Variants in MTUS2 observed in about 807,000 individuals in gnomAD.
MTUS2 encodes microtubule-associated tumor suppressor candidate 2.
Under a neutral mutation model 114.1 loss-of-function variants are expected in MTUS2, and 40 were observed. The ratio of observed to expected loss-of-function variants is 0.35; its 90% CI spans 0.27 to 0.46. MTUS2 has a LOEUF of 0.46. MTUS2 is among the 20% of genes least tolerant of loss of function. The pLI is 1.00. For synonymous variants in MTUS2, 688 were observed against 672.0 expected (o/e 1.02, Z -0.37); for missense variants, 1,679 against 1,705.4 (o/e 0.98, Z 0.27).
At chr13:29,302,627 C>A (rs144922352) in intron 6 of MTUS2, among the ~76,000 whole-genome samples, 164 of 152,328 alleles carry the variant, frequency 1.1e-3, no homozygotes, top group African/African-American at 3.8e-3. Context: ...TCCCAGTCAG[C>A]CCAGCACTGG....
At chr13:29,142,515 C>T (rs981411717) in intron 5 of MTUS2, among the ~76,000 whole-genome samples, 2 of 152,056 alleles carry the variant, frequency 1.3e-5, no homozygotes, top group Admixed American at 1.3e-4. Context: ...ACCAACCTGG[C>T]CAACATGGTG....
rs981534107 is a variant in MTUS2, at chr13:29,449,461, C to G, written c.3184+9412C>G. On this transcript the variant is annotated intron_variant, in intron 9 of 15. Transcript: ENST00000612955. ...TATAGTTACACAGTGCTTAGTACCT[C>G]CAAGCTCTTCCATATGACATGTTTT... Among the ~76,000 whole-genome samples, 3 of 152,118 alleles carry G rather than the reference C, an allele frequency of 2.0e-5. No individual in the cohort carries two copies. In the East Asian group the frequency reaches 5.8e-4, roughly 29 times the overall value.
intron 5 of MTUS2, among the ~76,000 whole-genome samples, chr13:29,107,625 A>G (rs896096559): frequency 6.6e-6 from 1 of 152,220 alleles, no homozygotes; most frequent in Non-Finnish European, 1.5e-5. Flanking sequence ...ATATTCAGAG[A>G]TAAACATCAT....
intron 4 of MTUS2, among the ~76,000 whole-genome samples, chr13:29,048,127 T>C (rs1339843611): frequency 6.6e-6 from 1 of 152,234 alleles, no homozygotes; most frequent in Admixed American, 6.5e-5. Context: ...GTGTCACTAA[T>C]CTTTTCTTAT....
At chr13:29,254,070 T>C (rs1299219397) in intron 5 of MTUS2, among the ~76,000 whole-genome samples, 1 of 152,026 alleles carries the variant, frequency 6.6e-6, no homozygotes, top group East Asian at 1.9e-4. Flanking sequence ...GAAGATGACA[T>C]AGTGTGTTAG....
In MTUS2 at chr13:29,042,000, A is replaced by G. The variant is rs547043888; in HGVS notation, c.2446+7875A>G. 3.9e-5 allele frequency among the ~76,000 whole-genome samples: 6 copies of G among 152,214 alleles called. No homozygotes were observed. The South Asian group carries it at 8.3e-4, about 21-fold the overall frequency. Reference sequence around the variant, plus strand: ...TGCTCTGGTTTGGACTTCCAGTACTATGTTGAAGAGAAGTGGTGAAAGTGG... The same window carrying G: ...TGCTCTGGTTTGGACTTCCAGTACTGTGTTGAAGAGAAGTGGTGAAAGTGG... On this transcript the variant is annotated intron_variant, in intron 4 of 15. Coordinates refer to ENST00000612955, the MANE Select transcript of MTUS2 (RefSeq NM_001033602.4).
At chr13:29,132,376 C>T (rs1350311080) in intron 5 of MTUS2, among the ~76,000 whole-genome samples, 1 of 152,152 alleles carries the variant, frequency 6.6e-6, no homozygotes, top group Admixed American at 6.5e-5. Context: ...GTAGAATACA[C>T]ACGACAAAAT....
chr13:29,236,696 G>A (rs9551634), intron 5 of MTUS2, among the ~76,000 whole-genome samples: 3,753 of 152,292 alleles, frequency 0.025, 101 homozygotes, highest in East Asian at 0.068. Context: ...TGTCCAGCTC[G>A]TCTAGGCCAT....
chr13:29,398,475 AAAAAAGAAAG>A (rs1874075060), intron 8 of MTUS2, among the ~76,000 whole-genome samples: 1 of 134,006 alleles, frequency 7.5e-6, no homozygotes, highest in Non-Finnish European at 1.6e-5. Flanking sequence ...ATTAAAAAAA[AAAAAAGAAAG>A]AAAAAGAAAA....
At chr13:29,442,482 C>G (rs1328212378) in intron 9 of MTUS2, among the ~76,000 whole-genome samples, 1 of 152,208 alleles carries the variant, frequency 6.6e-6, no homozygotes, top group Non-Finnish European at 1.5e-5. Context: ...TAAGGCTATC[C>G]TTGCATCTTG....
At chr13:29,380,527 A>T (rs1447850619) in intron 8 of MTUS2, among the ~76,000 whole-genome samples, 1 of 152,218 alleles carries the variant, frequency 6.6e-6, no homozygotes, top group Admixed American at 6.5e-5. Context: ...TTGTCTCACT[A>T]ACTTCCATTC....
chr13:29,490,985 ATGTG>A (rs71090259), intron 11 of MTUS2, among the ~76,000 whole-genome samples: 38,232 of 148,290 alleles, frequency 0.26, 5,383 homozygotes, highest in East Asian at 0.6. Flanking sequence ...AGAAGTGTGG[ATGTG>A]TGTGTGTGTG....
intron 4 of MTUS2, among the ~76,000 whole-genome samples, chr13:29,060,565 T>A (rs921122399): frequency 2.7e-5 from 4 of 147,414 alleles, no homozygotes; most frequent in African/African-American, 5.0e-5. Context: ...TTTTTTTTTT[T>A]ACTATTTACT....
chr13:29,377,403 A>G (rs1593370636), intron 8 of MTUS2, among the ~76,000 whole-genome samples: 1 of 152,216 alleles, frequency 6.6e-6, no homozygotes, highest in East Asian at 1.9e-4. Flanking sequence ...GTTCTCTGAC[A>G]TACTTTGTTG....
intron 2 of MTUS2, among the ~76,000 whole-genome samples, chr13:28,896,372 C>G (rs2137936877): frequency 1.3e-5 from 2 of 152,288 alleles, no homozygotes; most frequent in South Asian, 4.2e-4. Context: ...TCAAGGAGAA[C>G]TACAAACCAC....
At chr13:29,087,264 G>A (rs1043140939) in intron 4 of MTUS2, among the ~76,000 whole-genome samples, 3 of 152,156 alleles carry the variant, frequency 2.0e-5, no homozygotes, top group African/African-American at 7.2e-5. Flanking sequence ...TTATTAGTTT[G>A]AGATATGTTC....
chr13:29,469,929 C>G (rs1052359427), intron 9 of MTUS2, among the ~76,000 whole-genome samples: 19 of 152,052 alleles, frequency 1.2e-4, no homozygotes, highest in Non-Finnish European at 1.9e-4. Context: ...TGTAGTCATC[C>G]AGTTTGGGGT....
chr13:29,366,549 G>T (rs1161987605), intron 8 of MTUS2, among the ~76,000 whole-genome samples: 2 of 152,178 alleles, frequency 1.3e-5, no homozygotes, highest in Non-Finnish European at 2.9e-5. Flanking sequence ...ACCAGAAAGT[G>T]CTCTGCCCTT....
chr13:29,424,337 A>G (rs1876346018), intron 8 of MTUS2, among the ~76,000 whole-genome samples: 1 of 150,170 alleles, frequency 6.7e-6, no homozygotes, highest in Non-Finnish European at 1.5e-5. Context: ...AATGTGTACA[A>G]ATATGTATCA....
Sources: gnomAD v4.1 joint callset for allele counts (sites outside exome capture counted in the v4.1 genomes callset) on GRCh38, gnomAD v4.1.1 for gene constraint, MANE v1.5 for transcripts, NCBI Gene and HGNC (gene_info 2026-07-23, HGNC 2026-07-21) for gene names.